Variants in FAM227B observed in about 807,000 individuals in gnomAD.
FAM227B encodes the protein protein FAM227B.
Under a neutral mutation model 73.8 loss-of-function variants are expected in FAM227B, and 88 were observed. The ratio of observed to expected loss-of-function variants is 1.19; its 90% CI spans 1.00 to 1.42. The LOEUF (loss-of-function observed/expected upper bound fraction) is 1.42. Ranked by LOEUF, FAM227B falls within the 40% of genes most tolerant of loss-of-function variation. The pLI is 0.00. For synonymous variants in FAM227B, 210 were observed against 190.5 expected (o/e 1.10, Z -0.84); for missense variants, 632 against 590.9 (o/e 1.07, Z -0.72).
chr15:49,510,056 C>A (rs1206232189), intron 10 of FAM227B, among the ~76,000 whole-genome samples: 1 of 151,950 alleles, frequency 6.6e-6, no homozygotes, highest in African/African-American at 2.4e-5. Context: ...TATCTGGGAC[C>A]CATAACCATA....
At chr15:49,492,855 G>C (rs1175943538) in intron 11 of FAM227B, among the ~76,000 whole-genome samples, 1 of 151,724 alleles carries the variant, frequency 6.6e-6, no homozygotes, top group African/African-American at 2.4e-5. Context: ...TGGAAGAGTG[G>C]GATGTTGGTG....
At chr15:49,347,072 G>A (rs1238006998) in intron 13 of FAM227B, among the ~76,000 whole-genome samples, 1 of 152,156 alleles carries the variant, frequency 6.6e-6, no homozygotes, top group Non-Finnish European at 1.5e-5. Flanking sequence ...AGAATTATAT[G>A]TAAAATAGGA....
chr15:49,479,246 T>TCC (rs2055657221), intron 11 of FAM227B, among the ~76,000 whole-genome samples: 2 of 151,930 alleles, frequency 1.3e-5, no homozygotes, highest in African/African-American at 2.4e-5. Flanking sequence ...GAGCTGATTC[T>TCC]CTCTCTCTTT....
At chr15:49,337,440 G>T (rs547128719) in intron 13 of FAM227B, among the ~76,000 whole-genome samples, 4 of 128,794 alleles carry the variant, frequency 3.1e-5, no homozygotes. Flanking sequence ...CTCTGCTGAC[G>T]AGTGATGCTA....
At chr15:49,477,081 C>T (rs1232844523) in intron 11 of FAM227B, among the ~76,000 whole-genome samples, 2 of 147,166 alleles carry the variant, frequency 1.4e-5, no homozygotes, top group African/African-American at 2.5e-5. Flanking sequence ...AAAAATTGAG[C>T]AGATAATAGA....
intron 9 of FAM227B, among the ~76,000 whole-genome samples, chr15:49,547,134 TAAAGA>T (rs1192636129): frequency 1.3e-5 from 2 of 152,114 alleles, no homozygotes; most frequent in African/African-American, 4.8e-5. Flanking sequence ...TCAACATTCT[TAAAGA>T]AAAGAATTTT....
At chr15:49,330,589 C>A (rs1429111980) in intron 15 of FAM227B, 3 of 152,190 alleles carry the variant, frequency 2.0e-5, no homozygotes, top group African/African-American at 7.2e-5. Context: ...GTTTCCACAA[C>A]TGCTTGTATA....
intron 11 of FAM227B, chr15:49,424,272 A>G: frequency 6.3e-7 from 1 of 1,593,484 alleles, no homozygotes; most frequent in Non-Finnish European, 8.6e-7. Context: ...TATGTTATTC[A>G]TGAACACCCG....
At chr15:49,366,817 G>A (rs1215251779) in intron 13 of FAM227B, 2 of 550,316 alleles carry the variant, frequency 3.6e-6, no homozygotes, top group South Asian at 2.2e-5. Context: ...TGCAGGGGCC[G>A]CCACTGCAGC....
chr15:49,379,326 A>G (rs2046372337), intron 11 of FAM227B, among the ~76,000 whole-genome samples: 1 of 152,072 alleles, frequency 6.6e-6, no homozygotes, highest in Non-Finnish European at 1.5e-5. Context: ...TGTAGAGTAA[A>G]TTTGGAAGTA....
Position 49,372,070 on chromosome 15 carries a change from C to A in FAM227B, c.1013-671G>T, listed in dbSNP as rs62637730. On this transcript the variant is annotated intron_variant, in intron 11 of 15. Transcript: ENST00000299338. ...AATGAAATAAAATTCACTTATAAAT[C>A]AATGAAATAAAATTCATTTATAAAT... 7.2e-3 allele frequency among the ~76,000 whole-genome samples: 517 copies of A among 71,964 alleles called. 40 individuals are homozygous for A. The highest frequency in any genetic ancestry group is 0.017 in the East Asian group (46 of 2,704). The allele number at this position is 71,964 out of a possible 152,430, so 47.2% of individuals were successfully genotyped here.
chr15:49,544,965 C>A (rs1400442653), intron 9 of FAM227B, among the ~76,000 whole-genome samples: 1 of 151,986 alleles, frequency 6.6e-6, no homozygotes, highest in African/African-American at 2.4e-5. Flanking sequence ...CTGTAGTTTT[C>A]TTTTTTTGTT....
In FAM227B at chr15:49,354,536, G is replaced by A. The variant is rs182934345; in HGVS notation, c.1271+12912C>T. 1.8e-3 allele frequency among the ~76,000 whole-genome samples: 268 copies of A among 152,304 alleles called. 1 individual carries two copies. Among genetic ancestry groups the A allele is most frequent in the South Asian group, 6.4e-3 (31 of 4,822 alleles). Reference sequence around the variant, plus strand: ...TCCCACCTGAATACTGCACTTTTCCGACCGGCTTAAAAAACGGCGCACCAC... The same window carrying A: ...TCCCACCTGAATACTGCACTTTTCCAACCGGCTTAAAAAACGGCGCACCAC... On this transcript the variant is annotated intron_variant, in intron 13 of 15. Coordinates refer to ENST00000299338, the MANE Select transcript of FAM227B (RefSeq NM_152647.3).
chr15:49,602,390 G>C (rs2077263898), intron 3 of FAM227B, among the ~76,000 whole-genome samples: 1 of 152,178 alleles, frequency 6.6e-6, no homozygotes, highest in African/African-American at 2.4e-5. Flanking sequence ...TTTCTCTGAT[G>C]ATCAGTGATG....
intron 11 of FAM227B, among the ~76,000 whole-genome samples, chr15:49,507,768 TA>T (rs1272338945): frequency 1.3e-5 from 2 of 152,134 alleles, no homozygotes; most frequent in Non-Finnish European, 2.9e-5. Context: ...CTATGCTGTT[TA>T]TAACAAAGAG....
intron 11 of FAM227B, among the ~76,000 whole-genome samples, chr15:49,494,929 C>T (rs975437727): frequency 1.3e-5 from 2 of 152,272 alleles, no homozygotes; most frequent in Middle Eastern, 6.8e-3. Context: ...TGCAAAGAGT[C>T]ATTCTAATAC....
chr15:49,612,489 TCA>T (rs746434602), intron 2 of FAM227B, among the ~76,000 whole-genome samples: 10 of 152,192 alleles, frequency 6.6e-5, no homozygotes, highest in Non-Finnish European at 1.3e-4. Flanking sequence ...TTTCTAAATT[TCA>T]CACAGTGGCT....
chr15:49,542,496 T>A (rs770043662), intron 9 of FAM227B, among the ~76,000 whole-genome samples: 5 of 149,662 alleles, frequency 3.3e-5, no homozygotes, highest in Non-Finnish European at 7.4e-5. Flanking sequence ...CCCATCCCCC[T>A]CCCATCCTTC....
chr15:49,376,884 G>A (rs956157934), intron 11 of FAM227B, among the ~76,000 whole-genome samples: 5 of 151,688 alleles, frequency 3.3e-5, no homozygotes, highest in African/African-American at 9.7e-5. Context: ...TAAATGGGGT[G>A]GTTTTCTTTT....
Sources: allele counts gnomAD v4.1 joint callset (sites outside exome capture counted in the v4.1 genomes callset), GRCh38; gene constraint gnomAD v4.1.1; transcripts MANE v1.5; gene names NCBI Gene and HGNC (gene_info 2026-07-23, HGNC 2026-07-21).